SUMF1: variants seen among roughly 807,000 people sequenced by gnomAD.
SUMF1 encodes sulfatase modifying factor 1.
SUMF1 carries 48 observed loss-of-function variants against 47.6 expected under a neutral mutation model. The ratio of observed to expected loss-of-function variants is 1.01; its 90% CI spans 0.80 to 1.28. The LOEUF (loss-of-function observed/expected upper bound fraction) is 1.28. SUMF1 is among the 50% of genes most tolerant of loss of function. The pLI is 0.00. For missense variants in SUMF1, 571 were observed against 485.4 expected (o/e 1.18, Z -1.66); for synonymous variants, 230 against 192.1 (o/e 1.20, Z -1.63).
Position 4,317,165 on chromosome 3 carries a change from G to A in SUMF1, c.1014+59165C>T, listed in dbSNP as rs369137030. 6.5e-6 allele frequency: 10 copies of A among 1,549,530 alleles called. No individual in the cohort carries two copies. In the Middle Eastern group the frequency reaches 5.6e-4, roughly 87 times the overall value. On this transcript the variant is annotated intron_variant and NMD_transcript_variant, in intron 8 of 12. Transcript: ENST00000448413. ...AAGAGTTCGTCGAATCCCAAAGCAC[G>A]GATTTTTACGCTACAGGAATAAACC...
intron 3 of SUMF1, among the ~76,000 whole-genome samples, chr3:4,442,357 G>A (rs368193552): frequency 1.9e-3 from 253 of 135,062 alleles, no homozygotes; most frequent in African/African-American, 6.1e-3. Flanking sequence ...CCGGGTTCAC[G>A]CCATTCTCCT....
chr3:4,437,657 G>A (rs1383094407), intron 3 of SUMF1, among the ~76,000 whole-genome samples: 1 of 152,160 alleles, frequency 6.6e-6, no homozygotes, highest in East Asian at 1.9e-4. Flanking sequence ...GTGAAAAGAA[G>A]GCTGGGCACG....
At chr3:4,035,252 T>C (rs1559415648) in intron 9 of SUMF1, among the ~76,000 whole-genome samples, 1 of 152,162 alleles carries the variant, frequency 6.6e-6, no homozygotes, top group Non-Finnish European at 1.5e-5. Flanking sequence ...GTCTCACAGA[T>C]CTGGAGGCTG....
chr3:4,069,618 G>A (rs1419844605), intron 8 of SUMF1, among the ~76,000 whole-genome samples: 1 of 152,042 alleles, frequency 6.6e-6, no homozygotes, highest in East Asian at 1.9e-4. Flanking sequence ...TGTGAGGTGA[G>A]TGTGTTATGA....
intron 8 of SUMF1, among the ~76,000 whole-genome samples, chr3:4,345,753 A>G (rs567455377): frequency 1.3e-5 from 2 of 152,210 alleles, no homozygotes; most frequent in African/African-American, 4.8e-5. Context: ...TTGGATAAGG[A>G]GTCAAGACCC....
At chr3:4,461,907 A>G (rs928418789) in intron 1 of SUMF1, among the ~76,000 whole-genome samples, 2 of 152,270 alleles carry the variant, frequency 1.3e-5, no homozygotes, top group East Asian at 1.9e-4. Flanking sequence ...CAAACAATCC[A>G]TATCTCCTCC....
rs191075349 is a variant in SUMF1 at position 4,331,606 on chromosome 3, T to C, written c.1014+44724A>G. Among the ~76,000 whole-genome samples, 45 of 152,252 alleles carry C rather than the reference T, an allele frequency of 3.0e-4. 1 individual carries two copies. In the East Asian group the frequency reaches 6.6e-3, roughly 22 times the overall value. On this transcript the variant is annotated intron_variant and NMD_transcript_variant, in intron 8 of 12. Transcript: ENST00000448413. ...AGTTTGGGAGGCTGAAGTGGGTGGA[T>C]CACCTGAGGTCAGGAGTTCAAGTCC...
chr3:4,155,507 G>A (rs887704092), intron 8 of SUMF1, among the ~76,000 whole-genome samples: 3 of 151,398 alleles, frequency 2.0e-5, no homozygotes, highest in Non-Finnish European at 4.4e-5. Context: ...TTCCCTCCTG[G>A]CAGCAGTAAG....
intron 3 of SUMF1, among the ~76,000 whole-genome samples, chr3:4,437,304 G>GAAA (rs1027072923): frequency 6.6e-6 from 1 of 152,178 alleles, no homozygotes; most frequent in Non-Finnish European, 1.5e-5. Flanking sequence ...TTATTCAACA[G>GAAA]AAAAGTTAAT....
At chr3:4,147,812 A>G (rs375169233) in intron 8 of SUMF1, among the ~76,000 whole-genome samples, 77 of 152,230 alleles carry the variant, frequency 5.1e-4, no homozygotes, top group African/African-American at 1.8e-3. Flanking sequence ...TCAATCGGAG[A>G]TGGAAATAGT....
chr3:4,348,870 C>T (rs1051716453), intron 8 of SUMF1, among the ~76,000 whole-genome samples: 4 of 152,032 alleles, frequency 2.6e-5, no homozygotes, highest in East Asian at 3.9e-4. Context: ...AGCGAAGCGC[C>T]GTCTCAAACA....
intron 5 of SUMF1, 58 bp downstream of exon 5, chr3:4,417,952 T>C (rs1186369416): frequency 9.3e-6 from 15 of 1,612,606 alleles, no homozygotes; most frequent in African/African-American, 1.3e-5. Context: ...TTTTTTGTTG[T>C]TGTTTGTTTG....
At chr3:4,251,336 T>C (rs534142473) in intron 8 of SUMF1, among the ~76,000 whole-genome samples, 1 of 152,220 alleles carries the variant, frequency 6.6e-6, no homozygotes, top group Non-Finnish European at 1.5e-5. Flanking sequence ...TTGCTTCTTA[T>C]GGATGAGTGA....
chr3:4,317,324 A>G (rs1404525865), intron 8 of SUMF1: 7 of 845,626 alleles, frequency 8.3e-6, no homozygotes, highest in Non-Finnish European at 1.3e-5. Context: ...CCAACCCAAT[A>G]TCTTCATAGA....
chr3:4,302,215 T>G (rs540661289), intron 8 of SUMF1, among the ~76,000 whole-genome samples: 2 of 152,140 alleles, frequency 1.3e-5, no homozygotes, highest in Non-Finnish European at 2.9e-5. Flanking sequence ...CCCAAGGTGG[T>G]TGGGATACAG....
chr3:4,066,378 T>A (rs915355093), intron 9 of SUMF1, among the ~76,000 whole-genome samples: 15 of 152,108 alleles, frequency 9.9e-5, no homozygotes, highest in African/African-American at 3.6e-4. Flanking sequence ...AATTTAACTG[T>A]TATATTTCTG....
chr3:4,279,139 T>A (rs547915798), intron 8 of SUMF1, among the ~76,000 whole-genome samples: 1 of 152,312 alleles, frequency 6.6e-6, no homozygotes, highest in South Asian at 2.1e-4. Flanking sequence ...CAACCCTGCA[T>A]GACTAAGTTA....
intron 8 of SUMF1, among the ~76,000 whole-genome samples, chr3:4,340,053 G>A (rs1689544307): frequency 6.6e-6 from 1 of 152,046 alleles, no homozygotes; most frequent in African/African-American, 2.4e-5. Flanking sequence ...ACTCCAGCCT[G>A]GGCAACAGAG....
intron 5 of SUMF1, 147 bp from the exon 6 acceptor site, chr3:4,417,389 T>G: frequency 8.0e-5 from 45 of 560,328 alleles, no homozygotes; most frequent in Non-Finnish European, 1.2e-4. Context: ...ATAAAGCTTT[T>G]AATCAGGATT....
Sources: gnomAD v4.1 joint callset for allele counts (sites outside exome capture counted in the v4.1 genomes callset) on GRCh38, gnomAD v4.1.1 for gene constraint, MANE v1.5 for transcripts, NCBI Gene and HGNC (gene_info 2026-07-23, HGNC 2026-07-21) for gene names.